The following ASTN2 variants were observed in gnomAD, a reference collection of about 807,000 sequenced individuals.
ASTN2 encodes astrotactin 2.
Under a neutral mutation model 139.8 loss-of-function variants are expected in ASTN2, and 54 were observed. The ratio of observed to expected loss-of-function variants is 0.39; its 90% CI spans 0.31 to 0.48. The LOEUF (loss-of-function observed/expected upper bound fraction) is 0.48, where lower values mean the gene tolerates loss of function less well. Among genes scored for constraint, ASTN2 ranks in the 20% least tolerant of loss-of-function variants. The pLI is 0.95. For missense variants in ASTN2, 1,565 were observed against 1,725.1 expected, an observed-to-expected ratio of 0.91 and a Z score of 1.64; for synonymous variants, 756 against 719.5, an observed-to-expected ratio of 1.05 and a Z score of -0.81.
intron 19 of ASTN2, among the ~76,000 whole-genome samples, chr9:116,535,800 A>G (rs1176622151): frequency 6.6e-6 from 1 of 151,898 alleles, no homozygotes; most frequent in Non-Finnish European, 1.5e-5. Flanking sequence ...TTTTTCCTTC[A>G]TTTCAACTTT....
chr9:116,680,723 T>C (rs911804561), intron 16 of ASTN2, among the ~76,000 whole-genome samples: 5 of 152,080 alleles, frequency 3.3e-5, no homozygotes, highest in East Asian at 1.9e-4. Context: ...GTTCAATATA[T>C]GCAAATCAAT....
At chr9:117,172,807 TAAAAG>T (rs955273771) in intron 3 of ASTN2, among the ~76,000 whole-genome samples, 9 of 152,138 alleles carry the variant, frequency 5.9e-5, no homozygotes, top group African/African-American at 1.9e-4. Flanking sequence ...TTTAGATGCT[TAAAAG>T]AAAACACTGG....
At chr9:117,192,446 C>T (rs2132971263) in intron 3 of ASTN2, among the ~76,000 whole-genome samples, 1 of 151,816 alleles carries the variant, frequency 6.6e-6, no homozygotes, top group African/African-American at 2.4e-5. Flanking sequence ...TTCTAAGGAG[C>T]CTATTTTCAA....
chr9:116,772,128 A>G (rs1320930531), intron 13 of ASTN2, among the ~76,000 whole-genome samples: 2 of 152,212 alleles, frequency 1.3e-5, no homozygotes, highest in Non-Finnish European at 2.9e-5. Flanking sequence ...ACCCAATTAG[A>G]GAACTGCAAA....
intron 2 of ASTN2, among the ~76,000 whole-genome samples, chr9:117,272,442 T>G (rs1834089732): frequency 6.6e-6 from 1 of 152,230 alleles, no homozygotes; most frequent in Non-Finnish European, 1.5e-5. Context: ...CCCATGGTCT[T>G]GGGGATTAAC....
chr9:117,028,288 C>A (rs906721839), intron 6 of ASTN2, among the ~76,000 whole-genome samples: 1 of 152,138 alleles, frequency 6.6e-6, no homozygotes, highest in Non-Finnish European at 1.5e-5. Context: ...AGCTGAGGTT[C>A]AGAAAGTTGC....
intron 7 of ASTN2, among the ~76,000 whole-genome samples, chr9:116,981,254 G>A (rs768324010): frequency 3.3e-5 from 5 of 152,054 alleles, no homozygotes; most frequent in Non-Finnish European, 7.3e-5. Flanking sequence ...TAAAGGGTAG[G>A]CAACTCAATT....
chr9:116,565,385 C>CTT (rs1853151942), intron 19 of ASTN2, among the ~76,000 whole-genome samples: 1 of 30,736 alleles, frequency 3.3e-5, no homozygotes, highest in Non-Finnish European at 5.4e-5. Context: ...CTCTCTCTCT[C>CTT]TCCATATATA....
intron 13 of ASTN2, among the ~76,000 whole-genome samples, chr9:116,735,662 G>T (rs185297896): frequency 6.6e-6 from 1 of 152,324 alleles, no homozygotes; most frequent in Admixed American, 6.5e-5. Flanking sequence ...CTGCTATCAG[G>T]AATTCTGCAT....
At chr9:116,916,900 A>C (rs1477117676) in intron 10 of ASTN2, among the ~76,000 whole-genome samples, 1 of 152,124 alleles carries the variant, frequency 6.6e-6, no homozygotes, top group Non-Finnish European at 1.5e-5. Flanking sequence ...TCTCACTTCT[A>C]TCCCCATCTT....
chr9:117,214,551 T>G lies in ASTN2; in HGVS notation c.822A>C (p.Gln274His). 2 of 1,613,164 alleles carry G rather than the reference T, an allele frequency of 1.2e-6. No homozygotes were observed. Among genetic ancestry groups the G allele is most frequent in the Non-Finnish European group, 1.7e-6 (2 of 1,179,138 alleles). The change falls in exon 3 of 23, where the codon CAA (glutamine) becomes CAC (histidine). Residue 274 changes from glutamine (Q) to histidine (H), a missense_variant. This residue lies in a region of ASTN2 where 596 missense variants were observed against 576.8 expected (regional missense o/e 1.03). Coordinates refer to ENST00000313400, the MANE Select transcript of ASTN2 (RefSeq NM_001365068.1). ...ARESFRSSRL[Q>H]THNSVIGVPI... is the part of the protein sequence containing the mutation. Reference sequence around the variant, plus strand: ...GCACGCCAATGACGGAATTGTGGGTTTGCAGCCGGGATGAACGGAAGCTCT... The same window carrying G: ...GCACGCCAATGACGGAATTGTGGGTGTGCAGCCGGGATGAACGGAAGCTCT...
At chr9:117,219,605 TAAC>T (rs1444754633) in intron 2 of ASTN2, among the ~76,000 whole-genome samples, 1 of 152,200 alleles carries the variant, frequency 6.6e-6, no homozygotes, top group Non-Finnish European at 1.5e-5. Context: ...CTAGAAATAA[TAAC>T]ATCAGTCTAT....
intron 17 of ASTN2, among the ~76,000 whole-genome samples, chr9:116,627,984 C>T (rs1856550274): frequency 6.6e-6 from 1 of 152,112 alleles, no homozygotes. Flanking sequence ...AGTGGTAGAG[C>T]CAGGCTTTGA....
chr9:117,006,842 C>T (rs1588475283), intron 7 of ASTN2, among the ~76,000 whole-genome samples: 1 of 152,224 alleles, frequency 6.6e-6, no homozygotes, highest in Non-Finnish European at 1.5e-5. Flanking sequence ...TTAGGCTGGG[C>T]GTGATGGCTC....
chr9:116,475,356 C>A (rs1848944834), intron 20 of ASTN2, among the ~76,000 whole-genome samples: 1 of 152,150 alleles, frequency 6.6e-6, no homozygotes, highest in African/African-American at 2.4e-5. Context: ...CAAGTTCCTC[C>A]TTACAAAGCA....
chr9:117,266,254 A>G (rs900461278), intron 2 of ASTN2, among the ~76,000 whole-genome samples: 1 of 152,176 alleles, frequency 6.6e-6, no homozygotes, highest in Non-Finnish European at 1.5e-5. Context: ...CCTAAATGCC[A>G]TGGGATCCAG....
chr9:116,952,850 C>T (rs1835604562), intron 10 of ASTN2, among the ~76,000 whole-genome samples: 1 of 152,168 alleles, frequency 6.6e-6, no homozygotes, highest in Admixed American at 6.5e-5. Context: ...TTACTTACTG[C>T]TCAGCCACCG....
chr9:117,196,867 G>A (rs1034296805), intron 3 of ASTN2, among the ~76,000 whole-genome samples: 1 of 152,136 alleles, frequency 6.6e-6, no homozygotes, highest in African/African-American at 2.4e-5. Flanking sequence ...TGGGGTAGTG[G>A]GTTGTTTGTG....
At chr9:117,395,075 C>G (rs1830642642) in intron 1 of ASTN2, among the ~76,000 whole-genome samples, 1 of 152,266 alleles carries the variant, frequency 6.6e-6, no homozygotes, top group South Asian at 2.1e-4. Flanking sequence ...TCTCCCACAA[C>G]AAGAATGGCA....
Sources: allele counts gnomAD v4.1 joint callset (sites outside exome capture counted in the v4.1 genomes callset), GRCh38; gene constraint gnomAD v4.1.1; regional missense constraint gnomAD v4.1.1; transcripts MANE v1.5; gene names NCBI Gene and HGNC (gene_info 2026-07-23, HGNC 2026-07-21).